The following ETV3 variants were observed in gnomAD, a reference collection of about 807,000 sequenced individuals.
ETV3 encodes ETS variant transcription factor 3.
In ETV3, 8 loss-of-function variants were observed where a neutral mutation model predicts 33.0. The observed-to-expected ratio is 0.24, with a 90% CI of 0.14 to 0.44. The LOEUF (loss-of-function observed/expected upper bound fraction) is 0.44. ETV3 is among the 20% of genes least tolerant of loss of function. ETV3 has a pLI of 1.00. For missense variants in ETV3, 473 were observed against 652.3 expected, an observed-to-expected ratio of 0.73 and a Z score of 2.99; for synonymous variants, 222 against 238.9, an observed-to-expected ratio of 0.93 and a Z score of 0.65.
intron 1 of ETV3, among the ~76,000 whole-genome samples, chr1:157,136,700 C>CA (rs1436185443): frequency 6.6e-6 from 1 of 152,074 alleles, no homozygotes; most frequent in African/African-American, 2.4e-5. Flanking sequence ...GAAATGGGTC[C>CA]AAAAACGCAG....
chr1:157,132,518 CA>C (rs1674991405), intron 4 of ETV3, among the ~76,000 whole-genome samples: 1 of 152,126 alleles, frequency 6.6e-6, no homozygotes, highest in South Asian at 2.1e-4. Flanking sequence ...ACGAATGAAA[CA>C]TTTTTTTGGG....
rs188553854 is a variant in ETV3, at chr1:157,123,755, T to C, written c.*1086A>G. 3 of 152,348 alleles carry C rather than the reference T, an allele frequency of 2.0e-5. No individual in the cohort carries two copies. In the East Asian group the frequency reaches 5.8e-4, roughly 29 times the overall value. 9.4% of individuals were successfully genotyped at this position (152,348 alleles called of 1,614,324 possible). On this transcript the variant is annotated 3_prime_UTR_variant, in exon 5 of 5. Transcript: ENST00000368192. ...CCTGGATTATCTGAAAAGCTGTCGA[T>C]GCCCTTTTACAGGTTTATGGTGACA...
At position 157,123,850 on chromosome 1, in the gene ETV3, T is replaced by C. The variant is rs890397632; in HGVS notation, c.*991A>G. ...AAGAAAATAAGAGAACCAGACATAA[T>C]GGAAAGACCTCTTCAATAATGTTGT... On this transcript the variant is annotated 3_prime_UTR_variant, in exon 5 of 5. Coordinates refer to ENST00000368192, the MANE Select transcript of ETV3 (RefSeq NM_001145312.3). 4.7e-5 allele frequency: 7 copies of C among 148,178 alleles called. No individual in the cohort carries two copies. Among genetic ancestry groups the C allele is most frequent in the Non-Finnish European group, 9.1e-5 (6 of 66,068 alleles). The allele number at this position is 148,178 out of a possible 1,614,324, so 9.2% of individuals were successfully genotyped here. A position where few individuals can be genotyped will look rare whatever the true frequency, so the allele number is the denominator to read the frequency against.
intron 1 of ETV3, among the ~76,000 whole-genome samples, chr1:157,136,753 C>T (rs1288421713): frequency 1.3e-5 from 2 of 152,110 alleles, no homozygotes; most frequent in Admixed American, 1.3e-4. Context: ...CTAGACAAGC[C>T]CACATGCCAA....
chr1:157,135,668 G>A lies in ETV3; in HGVS notation c.87C>T (p.Ser29=). The change falls in exon 3 of 5, where the codon TCC becomes TCT. Residue 29 remains serine (S), a synonymous_variant. Transcript: ENST00000368192. ...FPDWAYKTES[S]PGSRQIQLWH... Reference sequence around the variant, plus strand: ...ACAGCTGGATCTGCCGGGAGCCTGGGGATGACTCTGTTTTGTAGGCCCAGT... The same window carrying A: ...ACAGCTGGATCTGCCGGGAGCCTGGAGATGACTCTGTTTTGTAGGCCCAGT... 6.2e-7 allele frequency: 1 copy of A among 1,614,196 alleles called. No homozygotes were observed. The highest frequency in any genetic ancestry group is 8.5e-7 in the Non-Finnish European group (1 of 1,180,034).
chr1:157,124,964 G>T lies in ETV3; in HGVS notation c.1416C>A (p.Pro472=). The T allele has an allele frequency of 6.4e-7, 1 of 1,551,830 alleles. No individual in the cohort carries two copies. Residue 472 remains proline, a synonymous_variant, in exon 5 of 5, where the codon CCC becomes CCA. Transcript: ENST00000368192. ...TCCAGCGCCGCTTCAACCGAAGCTT[G>T]GGGGGCATCAGTGCATCTTCTTTCT... ...PEKKEDALMP[P]KLRLKRRWND... is the part of the protein sequence containing the mutation.
intron 4 of ETV3, among the ~76,000 whole-genome samples, chr1:157,132,100 C>G (rs1674980634): frequency 6.6e-6 from 1 of 152,190 alleles, no homozygotes; most frequent in South Asian, 2.1e-4. Flanking sequence ...GTAGCTAGGA[C>G]TACAGGTGAC....
Position 157,123,753 on chromosome 1 carries a change from G to C in ETV3, c.*1088C>G, listed in dbSNP as rs1466456230. Reference sequence around the variant, plus strand: ...TTCCTGGATTATCTGAAAAGCTGTCGATGCCCTTTTACAGGTTTATGGTGA... The same window carrying C: ...TTCCTGGATTATCTGAAAAGCTGTCCATGCCCTTTTACAGGTTTATGGTGA... On this transcript the variant is annotated 3_prime_UTR_variant, in exon 5 of 5. Coordinates refer to ENST00000368192, the MANE Select transcript of ETV3 (RefSeq NM_001145312.3). The C allele has an allele frequency of 6.6e-6, 1 of 152,148 alleles. No homozygotes were observed. The highest frequency in any genetic ancestry group is 1.5e-5 in the Non-Finnish European group (1 of 68,028). 9.4% of individuals were successfully genotyped at this position (152,148 alleles called of 1,614,324 possible).
chr1:157,128,904 C>G (rs1674906501), intron 4 of ETV3, among the ~76,000 whole-genome samples: 1 of 152,220 alleles, frequency 6.6e-6, no homozygotes, highest in South Asian at 2.1e-4. Context: ...CTGTTTACCC[C>G]TTCTAAATAT....
intron 4 of ETV3, among the ~76,000 whole-genome samples, chr1:157,127,331 C>A (rs989512620): frequency 2.6e-5 from 4 of 152,186 alleles, no homozygotes; most frequent in Non-Finnish European, 4.4e-5. Context: ...TCCTGATATA[C>A]AATCACTGCT....
intron 4 of ETV3, chr1:157,128,750 C>T (rs1674901685): frequency 6.4e-6 from 1 of 157,170 alleles, no homozygotes; most frequent in Non-Finnish European, 1.4e-5. Context: ...TAACAGATCT[C>T]ATAAACCAGA....
rs1397581981 is a variant in ETV3, at chr1:157,125,096, T to C, written c.1284A>G (p.Ala428=). The change falls in exon 5 of 5, where the codon GCA becomes GCG. Residue 428 remains alanine, a synonymous_variant. Coordinates refer to ENST00000368192, the MANE Select transcript of ETV3 (RefSeq NM_001145312.3). This position sits in a 1 kb window ranked among gnomAD's most constrained non-coding sequence, Gnocchi z 4.0. ...EKGTIFARPA[A]PPIWPSVPIS... is the part of the protein sequence containing the mutation. ...TGGGCACAGAGGGCCAGATGGGTGG[T>C]GCAGCAGGACGGGCAAAGATGGTGC... is the stretch of plus-strand genomic sequence containing the variant. 4 of 1,545,350 alleles carry C rather than the reference T, an allele frequency of 2.6e-6. No homozygotes were observed. Among genetic ancestry groups the C allele is most frequent in the African/African-American group, 1.4e-5 (1 of 72,808 alleles).
In ETV3 at chr1:157,125,062, G is replaced by C; in HGVS notation, c.1318C>G (p.Pro440Ala). The change falls in exon 5 of 5, where the codon CCA (proline) becomes GCA (alanine). Residue 440 changes from proline to alanine, a missense_variant. Coordinates refer to ENST00000368192, the MANE Select transcript of ETV3 (RefSeq NM_001145312.3). The surrounding 1 kb of genome is among the most constrained non-coding windows in gnomAD (Gnocchi z 4.0). ...GTCACCTCCAGAGGTTCTCCACTTG[G>C]GGTGCTAATGGGCACAGAGGGCCAG... ...PIWPSVPIST[P>A]SGEPLEVTED... 7 of 1,548,188 alleles carry C rather than the reference G, an allele frequency of 4.5e-6. No individual in the cohort carries two copies. The highest frequency in any genetic ancestry group is 6.1e-6 in the Non-Finnish European group (7 of 1,145,252).
chr1:157,136,180 C>T (rs1675105352), intron 2 of ETV3, 127 bp downstream of exon 2: 3 of 901,108 alleles, frequency 3.3e-6, no homozygotes, highest in Admixed American at 4.0e-5. Context: ...AACTGTCCTG[C>T]CAGTATCCAC....
chr1:157,137,892 C>A (rs539285685), intron 1 of ETV3, among the ~76,000 whole-genome samples: 50 of 152,342 alleles, frequency 3.3e-4, no homozygotes, highest in Admixed American at 2.9e-3. Flanking sequence ...TGCAAGGACA[C>A]TTCCATCCAA....
chr1:157,130,405 T>A (rs575885974), intron 4 of ETV3, among the ~76,000 whole-genome samples: 2 of 152,314 alleles, frequency 1.3e-5, no homozygotes, highest in East Asian at 3.9e-4. Context: ...AAAAGTTTGC[T>A]GCTAAAAAAG....
Position 157,124,678 on chromosome 1 carries a change from C to A in ETV3, c.*163G>T, listed in dbSNP as rs1674782936. 1.5e-6 allele frequency: 1 copy of A among 685,020 alleles called. No homozygotes were observed. Among genetic ancestry groups the A allele is most frequent in the South Asian group, 2.3e-5 (1 of 44,378 alleles). The allele number at this position is 685,020 out of a possible 1,614,324, so 42.4% of individuals were successfully genotyped here. A position where few individuals can be genotyped will look rare whatever the true frequency, so the allele number is the denominator to read the frequency against. On this transcript the variant is annotated 3_prime_UTR_variant, in exon 5 of 5. Coordinates refer to ENST00000368192, the MANE Select transcript of ETV3 (RefSeq NM_001145312.3). ...TGTTCATATCCCACCTAATTTACAA[C>A]AGAAGATAACCCCATCCCATCCCCA...
intron 1 of ETV3, 50 bp from the exon 2 acceptor site, chr1:157,136,415 T>C (rs956808049): frequency 1.2e-5 from 18 of 1,542,254 alleles, no homozygotes; most frequent in Non-Finnish European, 1.5e-5. Context: ...TTATTTAGTA[T>C]CCTCTCAAAA....
In ETV3 at chr1:157,125,690, CATT is replaced by C. The variant is rs1023592911; in HGVS notation, c.687_689del (p.Ile229del). 1 of 1,551,554 alleles carries C rather than the reference CATT, an allele frequency of 6.4e-7. No individual in the cohort carries two copies. The highest frequency in any genetic ancestry group is 1.4e-5 in the African/African-American group (1 of 73,018). ...TCCCTGGCCTAGCAAACAGAGGAAG[CATT>C]ATGTCAGGCTTGCGTTTCTGATGGC... On this transcript the variant is annotated inframe_deletion, in exon 5 of 5. Transcript: ENST00000368192. This position sits in a 1 kb window ranked among gnomAD's most constrained non-coding sequence, Gnocchi z 4.0.
Sources: allele counts gnomAD v4.1 joint callset (sites outside exome capture counted in the v4.1 genomes callset), GRCh38; gene constraint gnomAD v4.1.1; non-coding constraint Gnocchi (gnomAD v3.1); transcripts MANE v1.5; gene names NCBI Gene and HGNC (gene_info 2026-07-23, HGNC 2026-07-21).